The following ZRANB1 variants were observed in gnomAD, a reference collection of about 807,000 sequenced individuals.
ZRANB1 encodes the protein zinc finger RANBP2-type containing 1.
Under a neutral mutation model 80.5 loss-of-function variants are expected in ZRANB1, and 16 were observed. That is an observed-to-expected ratio of 0.20 (90% CI 0.13 to 0.30). The LOEUF (loss-of-function observed/expected upper bound fraction) is 0.30. Ranked by LOEUF, ZRANB1 falls within the 10% of genes least tolerant of loss-of-function variation. ZRANB1 has a pLI of 1.00. For synonymous variants in ZRANB1, 291 were observed against 293.1 expected (o/e 0.99, Z 0.07); for missense variants, 576 against 862.6 (o/e 0.67, Z 4.16).
At chr10:124,917,971 A>G in the ZRANB1 span, among the ~76,000 whole-genome samples, 3 of 152,174 alleles carry the variant, frequency 2.0e-5, no homozygotes, top group Non-Finnish European at 4.4e-5. Context: ...TTAAGCCTGG[A>G]AGTTTGAACC....
the ZRANB1 span, among the ~76,000 whole-genome samples, chr10:124,927,274 G>A: frequency 6.6e-6 from 1 of 152,164 alleles, no homozygotes; most frequent in Admixed American, 6.6e-5. Context: ...TCAACTGTAA[G>A]TTGATTTATT....
In ZRANB1 at chr10:124,949,777, T is replaced by G. The variant is rs368606414; in HGVS notation, c.814+6470T>G. Among the ~76,000 whole-genome samples the G allele has an allele frequency of 6.3e-4, 96 of 152,310 alleles. 1 individual carries two copies. The highest frequency in any genetic ancestry group is 2.1e-3 in the African/African-American group (89 of 41,570). On this transcript the variant is annotated intron_variant, in intron 1 of 8. Coordinates refer to ENST00000359653, the MANE Select transcript of ZRANB1 (RefSeq NM_017580.3). ...GACTCAAGTACTGGGACTGCAGTTG[T>G]GAGCCACCACCTGGCCTGAAACTGG...
At chr10:124,943,543 G>GTT (rs1491084420) in intron 1 of ZRANB1, among the ~76,000 whole-genome samples, 1 of 149,292 alleles carries the variant, frequency 6.7e-6, no homozygotes, top group African/African-American at 2.4e-5. Context: ...GTGTGTGTGT[G>GTT]TGTATATATA....
intron 1 of ZRANB1, among the ~76,000 whole-genome samples, chr10:124,963,508 A>G (rs1370564238): frequency 6.8e-6 from 1 of 147,404 alleles, no homozygotes; most frequent in African/African-American, 2.5e-5. Flanking sequence ...CTCAAAGTGT[A>G]ATTATGTGAA....
chr10:124,953,939 G>A (rs1951664871), intron 1 of ZRANB1, among the ~76,000 whole-genome samples: 1 of 151,426 alleles, frequency 6.6e-6, no homozygotes, highest in Non-Finnish European at 1.5e-5. Flanking sequence ...TTCTGATTTA[G>A]TGTCCTTTTT....
chr10:124,984,200 C>A, intron 8 of ZRANB1: 1 of 156,536 alleles, frequency 6.4e-6, no homozygotes, highest in Non-Finnish European at 1.4e-5. Flanking sequence ...GGGTCTGGTG[C>A]ATGGCAGGAG....
intron 4 of ZRANB1, 91 bp downstream of exon 4, chr10:124,973,807 A>G (rs1037471731): frequency 8.8e-7 from 1 of 1,134,606 alleles, no homozygotes; most frequent in Middle Eastern, 2.0e-4. Flanking sequence ...TGTGTAGTCA[A>G]CTTGCTTTAT....
rs1425783148 is a variant in ZRANB1 at position 124,954,972 on chromosome 10, A to G, written c.815-11622A>G. Among the ~76,000 whole-genome samples, 3 of 151,088 alleles carry G rather than the reference A, an allele frequency of 2.0e-5. No homozygotes were observed. In the East Asian group the frequency reaches 6.3e-4, roughly 32 times the overall value. On this transcript the variant is annotated intron_variant, in intron 1 of 8. Transcript: ENST00000359653. Reference sequence around the variant, plus strand: ...GTGAAACCCCATCTCTACTAAAAATACAAAAAATTAGCCGGGCGTGGTGGC... The same window carrying G: ...GTGAAACCCCATCTCTACTAAAAATGCAAAAAATTAGCCGGGCGTGGTGGC...
the ZRANB1 span, among the ~76,000 whole-genome samples, chr10:124,927,812 A>G: frequency 1.3e-5 from 2 of 152,218 alleles, no homozygotes; most frequent in African/African-American, 4.8e-5. Context: ...TGAGGCGGGC[A>G]GATCACTTGA....
upstream of ZRANB1, chr10:124,940,475 T>A: frequency 7.8e-7 from 1 of 1,285,342 alleles, no homozygotes; most frequent in Non-Finnish European, 1.0e-6. Flanking sequence ...TTGTCTTTGA[T>A]CTGATTTGCA....
At chr10:124,974,122 A>G (rs1951852966) in intron 4 of ZRANB1, 78 bp from the exon 5 acceptor site, 1 of 1,440,816 alleles carries the variant, frequency 6.9e-7, no homozygotes, top group Non-Finnish European at 9.7e-7. Context: ...TATAGCTAGA[A>G]AATAGGTTCT....
chr10:124,983,780 T>TCA lies in ZRANB1; in HGVS notation c.1908+94_1908+95dup, dbSNP rs1321528131. On this transcript the variant is annotated intron_variant, in intron 8 of 8. Transcript: ENST00000359653. This position sits in a 1 kb window ranked among gnomAD's most constrained non-coding sequence, Gnocchi z 6.2. ...TTCAGGTGTGGTTTTATCTGCACTA[T>TCA]CACTTAATTTCTGAATGTGATGGTA... 1.2e-6 allele frequency: 1 copy of TCA among 868,198 alleles called. No individual in the cohort carries two copies. The highest frequency in any genetic ancestry group is 1.8e-6 in the Non-Finnish European group (1 of 568,994). The allele number at this position is 868,198 out of a possible 1,614,324, so 53.8% of individuals were successfully genotyped here. A position where few individuals can be genotyped will look rare whatever the true frequency, so the allele number is the denominator to read the frequency against.
the ZRANB1 span, among the ~76,000 whole-genome samples, chr10:124,920,780 T>C: frequency 6.6e-6 from 1 of 152,106 alleles, no homozygotes; most frequent in Non-Finnish European, 1.5e-5. Context: ...TTGATTTCAG[T>C]TATCTTTTTA....
chr10:124,977,517 C>T (rs1951888283), intron 5 of ZRANB1, among the ~76,000 whole-genome samples: 1 of 151,488 alleles, frequency 6.6e-6, no homozygotes, highest in African/African-American at 2.4e-5. Context: ...CAAGACAAGC[C>T]TTGGCAACAT....
chr10:124,974,690 C>G (rs572844874), intron 5 of ZRANB1, among the ~76,000 whole-genome samples: 4 of 152,322 alleles, frequency 2.6e-5, no homozygotes, highest in African/African-American at 9.6e-5. Context: ...CTATAAGACA[C>G]AGGCAGTATA....
chr10:124,978,333 A>G (rs1427362215), intron 5 of ZRANB1, among the ~76,000 whole-genome samples: 3 of 152,146 alleles, frequency 2.0e-5, no homozygotes, highest in Admixed American at 6.5e-5. Context: ...CACTTAATTG[A>G]AATCAGCTGG....
chr10:124,964,876 C>G (rs932901808), intron 1 of ZRANB1, among the ~76,000 whole-genome samples: 6 of 152,074 alleles, frequency 3.9e-5, no homozygotes, highest in Admixed American at 6.6e-5. Flanking sequence ...CATGGTCAGT[C>G]CTAAATAAAA....
chr10:124,924,199 A>G, the ZRANB1 span, among the ~76,000 whole-genome samples: 1 of 151,644 alleles, frequency 6.6e-6, no homozygotes, highest in Non-Finnish European at 1.5e-5. Flanking sequence ...GAGCCTCCGC[A>G]CCTGGCCATA....
the ZRANB1 span, among the ~76,000 whole-genome samples, chr10:124,932,146 A>G: frequency 6.6e-6 from 1 of 152,062 alleles, no homozygotes; most frequent in Admixed American, 6.5e-5. Context: ...TTTATAGCCC[A>G]TTTGTTTTTA....
Sources: gnomAD v4.1 joint callset for allele counts (sites outside exome capture counted in the v4.1 genomes callset) on GRCh38, gnomAD v4.1.1 for gene constraint, Gnocchi (gnomAD v3.1) non-coding constraint, MANE v1.5 for transcripts, NCBI Gene and HGNC (gene_info 2026-07-23, HGNC 2026-07-21) for gene names.